The following KHDRBS2 variants were observed in gnomAD, a reference collection of about 807,000 sequenced individuals.
KHDRBS2 encodes KH RNA binding domain containing, signal transduction associated 2.
A neutral mutation model predicts 44.3 loss-of-function variants in KHDRBS2; 26 were observed. The observed-to-expected ratio is 0.59, with a 90% CI of 0.43 to 0.81. KHDRBS2 has a LOEUF of 0.81. KHDRBS2 is among the 40% of genes least tolerant of loss of function. The pLI, the probability that KHDRBS2 is intolerant of heterozygous loss-of-function variation, is 0.00. For synonymous variants in KHDRBS2, 194 were observed against 151.1 expected (o/e 1.28, Z -2.08); for missense variants, 476 against 433.1 (o/e 1.10, Z -0.88).
chr6:62,005,740 T>C (rs1779096863), intron 3 of KHDRBS2, among the ~76,000 whole-genome samples: 2 of 151,686 alleles, frequency 1.3e-5, no homozygotes, highest in South Asian at 2.1e-4. Context: ...GTTCTAACTG[T>C]AAATCATGCA....
At chr6:62,180,581 A>T (rs1327334279) in intron 1 of KHDRBS2, among the ~76,000 whole-genome samples, 1 of 151,912 alleles carries the variant, frequency 6.6e-6, no homozygotes, top group African/African-American at 2.4e-5. Context: ...ATGTTTATAG[A>T]TTGGAAGAAT....
intron 7 of KHDRBS2, among the ~76,000 whole-genome samples, chr6:61,730,769 A>G: frequency 6.6e-6 from 1 of 152,042 alleles, no homozygotes; most frequent in Non-Finnish European, 1.5e-5. Flanking sequence ...CATATAAATT[A>G]TACTTTATTA....
intron 3 of KHDRBS2, among the ~76,000 whole-genome samples, chr6:61,979,320 A>G (rs1239947368): frequency 6.6e-6 from 1 of 152,136 alleles, no homozygotes; most frequent in African/African-American, 2.4e-5. Context: ...CTTGTCCCTC[A>G]CAGAAACAAC....
At chr6:61,820,483 AG>A in intron 6 of KHDRBS2, among the ~76,000 whole-genome samples, 1 of 152,002 alleles carries the variant, frequency 6.6e-6, no homozygotes, top group Non-Finnish European at 1.5e-5. Context: ...ACAGGGCCTG[AG>A]GTTATAGAAC....
At chr6:62,086,164 A>T (rs1798341350) in intron 2 of KHDRBS2, among the ~76,000 whole-genome samples, 1 of 152,174 alleles carries the variant, frequency 6.6e-6, no homozygotes, top group Non-Finnish European at 1.5e-5. Flanking sequence ...ATAGATATAT[A>T]TAAGGGTAAA....
intron 2 of KHDRBS2, among the ~76,000 whole-genome samples, chr6:62,147,665 G>A (rs1814234970): frequency 6.6e-6 from 1 of 151,922 alleles, no homozygotes; most frequent in Non-Finnish European, 1.5e-5. Context: ...ATGTGCCCTT[G>A]AATAATCTGG....
At position 62,121,314 on chromosome 6, in the gene KHDRBS2, G is replaced by A. The variant is rs534172376; in HGVS notation, c.219+55871C>T. Reference sequence around the variant, plus strand: ...ATTCCATCCCTGGAGCGATTGCAAAGATTAGTGCCACCATCAAGGACTTGA... The same window carrying A: ...ATTCCATCCCTGGAGCGATTGCAAAAATTAGTGCCACCATCAAGGACTTGA... On this transcript the variant is annotated intron_variant, in intron 2 of 8. Coordinates refer to ENST00000281156, the MANE Select transcript of KHDRBS2 (RefSeq NM_152688.4). Among the ~76,000 whole-genome samples the A allele has an allele frequency of 7.9e-5, 12 of 152,320 alleles. No individual in the cohort carries two copies. In the South Asian group the frequency reaches 2.5e-3, roughly 32 times the overall value.
At position 61,978,268 on chromosome 6, in the gene KHDRBS2, C is replaced by T. The variant is rs1253867018; in HGVS notation, c.337-56G>A. On this transcript the variant is annotated intron_variant, in intron 3 of 8. Coordinates refer to ENST00000281156, the MANE Select transcript of KHDRBS2 (RefSeq NM_152688.4). ...ATCCACTCATTTTACATTGATTTAA[C>T]ATTTACTGAGAATATGACAAAGGTG... The T allele has an allele frequency of 5.9e-6, 8 of 1,366,034 alleles. No individual in the cohort carries two copies. The East Asian group carries it at 1.9e-4, about 33-fold the overall frequency. The allele number at this position is 1,366,034 out of a possible 1,614,324, so 84.6% of individuals were successfully genotyped here.
chr6:62,003,558 A>G (rs568891315), intron 3 of KHDRBS2, among the ~76,000 whole-genome samples: 14 of 152,242 alleles, frequency 9.2e-5, no homozygotes, highest in South Asian at 8.3e-4. Flanking sequence ...ACTCCACACA[A>G]TAATGATGAC....
intron 3 of KHDRBS2, among the ~76,000 whole-genome samples, chr6:61,980,360 T>A (rs961097381): frequency 6.6e-6 from 1 of 152,164 alleles, no homozygotes; most frequent in African/African-American, 2.4e-5. Context: ...TATTTTGCCC[T>A]TCTAGATCCT....
intron 2 of KHDRBS2, among the ~76,000 whole-genome samples, chr6:62,118,303 C>T (rs1349785188): frequency 6.6e-6 from 1 of 152,110 alleles, no homozygotes; most frequent in East Asian, 1.9e-4. Flanking sequence ...TATAAGTTTG[C>T]AGTATATTTT....
chr6:62,237,414 C>T (rs1163698127), intron 1 of KHDRBS2, among the ~76,000 whole-genome samples: 2 of 152,108 alleles, frequency 1.3e-5, no homozygotes, highest in Non-Finnish European at 2.9e-5. Flanking sequence ...TAATAAATCA[C>T]CTACTCAAGG....
At chr6:61,577,329 G>C in the KHDRBS2 span, among the ~76,000 whole-genome samples, 1 of 152,158 alleles carries the variant, frequency 6.6e-6, no homozygotes, top group Admixed American at 6.6e-5. Context: ...GTGTAAGGTT[G>C]CACAAAGTAC....
intron 3 of KHDRBS2, among the ~76,000 whole-genome samples, chr6:61,985,158 C>G (rs1332233642): frequency 6.6e-6 from 1 of 152,136 alleles, no homozygotes; most frequent in Non-Finnish European, 1.5e-5. Context: ...ATAATGCTTA[C>G]TCTTTTTTGC....
chr6:62,030,767 C>T (rs1397364310), intron 3 of KHDRBS2, among the ~76,000 whole-genome samples: 1 of 152,006 alleles, frequency 6.6e-6, no homozygotes, highest in African/African-American at 2.4e-5. Context: ...TGTCCTTGTG[C>T]TTTAACTTTT....
intron 2 of KHDRBS2, among the ~76,000 whole-genome samples, chr6:62,144,140 C>G (rs925694350): frequency 1.3e-5 from 2 of 151,812 alleles, no homozygotes; most frequent in Non-Finnish European, 3.0e-5. Flanking sequence ...TCATATTTCT[C>G]TATTTACTAT....
chr6:61,959,867 C>A (rs1309127921), intron 4 of KHDRBS2, among the ~76,000 whole-genome samples: 2 of 152,136 alleles, frequency 1.3e-5, no homozygotes, highest in Non-Finnish European at 2.9e-5. Context: ...GTTAGAAATT[C>A]TTGGCTCCCT....
At chr6:62,189,338 A>T (rs570178591) in intron 1 of KHDRBS2, among the ~76,000 whole-genome samples, 37 of 151,578 alleles carry the variant, frequency 2.4e-4, no homozygotes, top group South Asian at 6.3e-4. Flanking sequence ...TTTTTTTTAA[A>T]TTTTTTATTT....
chr6:61,894,739 G>T lies in KHDRBS2; in HGVS notation c.706C>A (p.Pro236Thr). The T allele has an allele frequency of 6.2e-7, 1 of 1,613,540 alleles. No homozygotes were observed. The highest frequency in any genetic ancestry group is 8.5e-7 in the Non-Finnish European group (1 of 1,179,730). Residue 236 changes from proline (P) to threonine (T), a missense_variant, in exon 6 of 9, where the codon CCA becomes ACA. Pro to Thr is a conservative substitution (Grantham distance 38). Transcript: ENST00000281156. ...STVTRGALPV[P>T]PVARGVPTPR... Reference sequence around the variant, plus strand: ...GTAGGGACACCTCTTGCTACAGGTGGCACTGGAAGCGCTCCACGGGTTACA... The same window carrying T: ...GTAGGGACACCTCTTGCTACAGGTGTCACTGGAAGCGCTCCACGGGTTACA...
Sources: allele counts gnomAD v4.1 joint callset (sites outside exome capture counted in the v4.1 genomes callset), GRCh38; gene constraint gnomAD v4.1.1; transcripts MANE v1.5; gene names NCBI Gene and HGNC (gene_info 2026-07-23, HGNC 2026-07-21).